Variants in TOGARAM2 observed in about 807,000 individuals in gnomAD.
The protein encoded by TOGARAM2 is TOG array regulator of axonemal microtubules protein 2.
In TOGARAM2, 85 loss-of-function variants were observed where a neutral mutation model predicts 93.3. The ratio of observed to expected loss-of-function variants is 0.91; its 90% CI spans 0.76 to 1.09. The LOEUF (loss-of-function observed/expected upper bound fraction) is 1.09, where lower values mean the gene tolerates loss of function less well. TOGARAM2 is among the 50% of genes least tolerant of loss of function. The pLI is 0.00. For missense variants in TOGARAM2, 1,277 were observed against 1,334.5 expected (o/e 0.96, Z 0.67); for synonymous variants, 593 against 552.8 (o/e 1.07, Z -1.02).
chr2:28,966,713 A>G (rs183635911), intron 1 of TOGARAM2, among the ~76,000 whole-genome samples: 1 of 152,326 alleles, frequency 6.6e-6, no homozygotes, highest in Non-Finnish European at 1.5e-5. Flanking sequence ...TGTAGGCAAA[A>G]TTAATGTTTT....
In TOGARAM2 at chr2:28,990,720, T is replaced by G. The variant is rs147387820; in HGVS notation, c.-110-4005T>G. Reference sequence around the variant, plus strand: ...GTGCTCATCTCTGTAGCAGGGTTACTTTGTCCTGTCGGGCGTGACAGTGAA... The same window carrying G: ...GTGCTCATCTCTGTAGCAGGGTTACGTTGTCCTGTCGGGCGTGACAGTGAA... On this transcript the variant is annotated intron_variant, in intron 1 of 19. Coordinates refer to ENST00000379558, the MANE Select transcript of TOGARAM2 (RefSeq NM_199280.4). Among the ~76,000 whole-genome samples, 952 of 152,268 alleles carry G rather than the reference T, an allele frequency of 6.3e-3. 11 individuals are homozygous for G. Among genetic ancestry groups the G allele is most frequent in the African/African-American group, 0.021 (882 of 41,560 alleles).
intron 6 of TOGARAM2, among the ~76,000 whole-genome samples, chr2:29,006,348 ATG>A (rs1293323680): frequency 9.9e-6 from 1 of 100,634 alleles, no homozygotes; most frequent in Non-Finnish European, 2.0e-5. Context: ...GTATGTGTGT[ATG>A]TGTGAGTGCA....
intron 16 of TOGARAM2, among the ~76,000 whole-genome samples, chr2:29,033,817 C>A (rs1171018415): frequency 6.6e-6 from 1 of 152,090 alleles, no homozygotes; most frequent in Non-Finnish European, 1.5e-5. Context: ...GCTGAGTGGG[C>A]GGGGTTCCAC....
chr2:28,998,137 C>T lies in TOGARAM2; in HGVS notation c.29-6C>T. 6.3e-7 allele frequency: 1 copy of T among 1,594,216 alleles called. No homozygotes were observed. The highest frequency in any genetic ancestry group is 1.1e-5 in the South Asian group (1 of 87,642). On this transcript the variant is annotated splice_polypyrimidine_tract_variant and splice_region_variant and intron_variant, in intron 2 of 19. Coordinates refer to ENST00000379558, the MANE Select transcript of TOGARAM2 (RefSeq NM_199280.4). ...AGGTGCTGCTCTCCTGTGCTTCTGT[C>T]TCCAGCCAAGGTCCTGGTCCCCGTG...
At position 29,022,261 on chromosome 2, in the gene TOGARAM2, G is replaced by C; in HGVS notation, c.1464G>C (p.Pro488=). ...ACKELRPFSN[P]ELGLRDALQC... The stretch of plus-strand genomic sequence containing the variant: ...AGGAGTTGAGGCCTTTCTCGAACCC[G>C]GAGCTGGGGCTGAGGGATGCACTCC... Residue 488 remains proline (P), a synonymous_variant, in exon 11 of 20, where the codon CCG becomes CCC. Coordinates refer to ENST00000379558, the MANE Select transcript of TOGARAM2 (RefSeq NM_199280.4). 1 of 1,614,024 alleles carries C rather than the reference G, an allele frequency of 6.2e-7. No individual in the cohort carries two copies. Among genetic ancestry groups the C allele is most frequent in the Non-Finnish European group, 8.5e-7 (1 of 1,179,886 alleles).
intron 1 of TOGARAM2, among the ~76,000 whole-genome samples, chr2:28,965,528 A>T (rs1671854944): frequency 6.6e-6 from 1 of 152,166 alleles, no homozygotes; most frequent in South Asian, 2.1e-4. Context: ...ATCAACAGGG[A>T]TCCGTCTTTC....
At chr2:29,004,129 C>T (rs1005816216) in intron 6 of TOGARAM2, among the ~76,000 whole-genome samples, 5 of 152,104 alleles carry the variant, frequency 3.3e-5, no homozygotes, top group Non-Finnish European at 7.4e-5. Context: ...ATTACAGGCA[C>T]CCACCACCAT....
Position 29,002,726 on chromosome 2 carries a change from G to A in TOGARAM2, c.618G>A (p.Glu206=). ...CGGGGAGCATTCCGGGTCCTCACGAGTTGAGACCCGGTGCTCAGGAGGTAA... is the reference window on the plus strand; with the variant it reads ...CGGGGAGCATTCCGGGTCCTCACGAATTGAGACCCGGTGCTCAGGAGGTAA... The part of the protein sequence containing the change: ...DLPGSIPGPH[E]LRPGAQEAQI... The change falls in exon 5 of 20, where the codon GAG becomes GAA. Residue 206 remains glutamate, a synonymous_variant. Coordinates refer to ENST00000379558, the MANE Select transcript of TOGARAM2 (RefSeq NM_199280.4). 1 of 1,613,716 alleles carries A rather than the reference G, an allele frequency of 6.2e-7. No individual in the cohort carries two copies. The highest frequency in any genetic ancestry group is 1.1e-5 in the South Asian group (1 of 90,984).
chr2:28,992,603 G>C (rs900567746), intron 1 of TOGARAM2, among the ~76,000 whole-genome samples: 33 of 152,292 alleles, frequency 2.2e-4, no homozygotes, highest in African/African-American at 7.9e-4. Context: ...ACCTCAGGCG[G>C]CTCGAGTCTT....
At chr2:28,991,825 C>A (rs575501080) in intron 1 of TOGARAM2, among the ~76,000 whole-genome samples, 10 of 152,340 alleles carry the variant, frequency 6.6e-5, no homozygotes, top group Admixed American at 2.0e-4. Flanking sequence ...CCTATGGCCC[C>A]GGTCACTATG....
rs1413008115 is a variant in TOGARAM2, at chr2:28,994,744, AG to A, written c.-90del. The A allele has an allele frequency of 7.4e-7, 1 of 1,359,450 alleles. No homozygotes were observed. The highest frequency in any genetic ancestry group is 2.5e-5 in the East Asian group (1 of 39,598). 84.2% of individuals were successfully genotyped at this position (1,359,450 alleles called of 1,614,324 possible). The stretch of plus-strand genomic sequence containing the variant: ...CCTTAGGTCCCGGATGTTACAGGTC[AG>A]AGCCCTCCAGACCCCCAAGGACTGT... On this transcript the variant is annotated 5_prime_UTR_variant, in exon 2 of 20. An upstream open reading frame in the 5' UTR gains an earlier in-frame stop. Transcript: ENST00000379558.
At chr2:28,985,649 G>T (rs573878957) in intron 1 of TOGARAM2, among the ~76,000 whole-genome samples, 5 of 152,294 alleles carry the variant, frequency 3.3e-5, no homozygotes, top group African/African-American at 1.2e-4. Context: ...TTGTGTATAA[G>T]TTACATACGC....
At chr2:29,026,754 AT>A (rs1261953786) in intron 13 of TOGARAM2, 98 bp from the exon 14 acceptor site, 5 of 1,288,960 alleles carry the variant, frequency 3.9e-6, no homozygotes, top group African/African-American at 1.5e-5. Flanking sequence ...CCTGGCTGGC[AT>A]GAAGCATGGG....
chr2:29,034,040 C>T (rs113826594), intron 16 of TOGARAM2, among the ~76,000 whole-genome samples: 37 of 152,220 alleles, frequency 2.4e-4, no homozygotes, highest in African/African-American at 6.7e-4. Context: ...CTGATGGTCA[C>T]GCCTGTGCTT....
intron 6 of TOGARAM2, among the ~76,000 whole-genome samples, chr2:29,009,925 T>TA (rs1664122715): frequency 6.6e-6 from 1 of 152,016 alleles, no homozygotes; most frequent in African/African-American, 2.4e-5. Flanking sequence ...TCCTTTCTGC[T>TA]GTGGGGTCGC....
chr2:28,966,378 A>G (rs1671867780), intron 1 of TOGARAM2, among the ~76,000 whole-genome samples: 1 of 151,960 alleles, frequency 6.6e-6, no homozygotes, highest in South Asian at 2.1e-4. Flanking sequence ...GCTCACTGCA[A>G]TCTCCACCTC....
intron 6 of TOGARAM2, among the ~76,000 whole-genome samples, chr2:29,006,904 A>G (rs146448850): frequency 6.6e-6 from 1 of 152,136 alleles, no homozygotes; most frequent in East Asian, 1.9e-4. Context: ...CTGGCCCCAG[A>G]CCTGTGGCCT....
chr2:29,024,081 C>T lies in TOGARAM2; in HGVS notation c.1618-58C>T, dbSNP rs112475817. 1.0e-5 allele frequency: 15 copies of T among 1,429,010 alleles called. No individual in the cohort carries two copies. In the East Asian group the frequency reaches 1.3e-4, roughly 12 times the overall value. 88.5% of individuals were successfully genotyped at this position (1,429,010 alleles called of 1,614,324 possible). ...GGTGGTGCAGGGCCCATTTTCCATGCGTCCCAGAGCCCTTGGCAGGGTCCA... is the reference window on the plus strand; with the variant it reads ...GGTGGTGCAGGGCCCATTTTCCATGTGTCCCAGAGCCCTTGGCAGGGTCCA... On this transcript the variant is annotated intron_variant, in intron 12 of 19. Transcript: ENST00000379558.
chr2:29,015,258 T>A lies in TOGARAM2; in HGVS notation c.1044+697T>A, dbSNP rs558287081. On this transcript the variant is annotated intron_variant, in intron 8 of 19. Transcript: ENST00000379558. ...ACCACAGAACAGGAAACACAAACAA[T>A]GATTCAGTGCAGCGAAACGAGCTGA... Among the ~76,000 whole-genome samples, 8 of 152,122 alleles carry A rather than the reference T, an allele frequency of 5.3e-5. No individual in the cohort carries two copies. The South Asian group carries it at 1.7e-3, about 32-fold the overall frequency.
Sources: allele counts gnomAD v4.1 joint callset (sites outside exome capture counted in the v4.1 genomes callset), GRCh38; gene constraint gnomAD v4.1.1; transcripts MANE v1.5; gene names NCBI Gene and HGNC (gene_info 2026-07-23, HGNC 2026-07-21).